Variants in ST3GAL4 observed in about 807,000 individuals in gnomAD.
The protein encoded by ST3GAL4 is CMP-N-acetylneuraminate-beta-galactosamide-alpha-2,3-sialyltransferase 4.
Under a neutral mutation model 42.6 loss-of-function variants are expected in ST3GAL4, and 24 were observed. That is an observed-to-expected ratio of 0.56 (90% CI 0.41 to 0.79). The LOEUF (loss-of-function observed/expected upper bound fraction) is 0.79. Ranked by LOEUF, ST3GAL4 falls within the 30% of genes least tolerant of loss-of-function variation. ST3GAL4 has a pLI of 0.00. For synonymous variants in ST3GAL4, 135 were observed against 163.2 expected, an observed-to-expected ratio of 0.83 and a Z score of 1.32; for missense variants, 311 against 430.8, an observed-to-expected ratio of 0.72 and a Z score of 2.46.
intron 1 of ST3GAL4, among the ~76,000 whole-genome samples, chr11:126,374,734 A>G (rs899732212): frequency 2.6e-5 from 4 of 152,150 alleles, no homozygotes; most frequent in Non-Finnish European, 5.9e-5. Context: ...GTAAGTGAGA[A>G]GAGTCCATGG....
chr11:126,400,618 A>G lies in ST3GAL4; in HGVS notation c.-60-5478A>G, dbSNP rs893488522. Among the ~76,000 whole-genome samples the G allele has an allele frequency of 2.0e-5, 3 of 152,198 alleles. No individual in the cohort carries two copies. Among genetic ancestry groups the G allele is most frequent in the African/African-American group, 7.2e-5 (3 of 41,460 alleles). ...TAAGGGACCTTGGCTTCATGTAAGG[A>G]GTGCGGAGTGAGTGAAGCAAGAGGG... On this transcript the variant is annotated intron_variant, in intron 1 of 10. Transcript: ENST00000444328. This position sits in a 1 kb window ranked among gnomAD's most constrained non-coding sequence, Gnocchi z 4.6.
At position 126,406,359 on chromosome 11, in the gene ST3GAL4, CT is replaced by C; in HGVS notation, c.17-113del. ...GCCAGGGCCAGGAGAGGGCCAGAGACTGCTTCTGTTGAGTTAGGGGTCGGAG... is the reference window on the plus strand; with the variant it reads ...GCCAGGGCCAGGAGAGGGCCAGAGACGCTTCTGTTGAGTTAGGGGTCGGAG... On this transcript the variant is annotated intron_variant, in intron 2 of 10. Coordinates refer to ENST00000444328, the MANE Select transcript of ST3GAL4 (RefSeq NM_001254757.2). The surrounding 1 kb of genome is among the most constrained non-coding windows in gnomAD (Gnocchi z 5.4). 6.4e-7 allele frequency: 1 copy of C among 1,570,678 alleles called. No individual in the cohort carries two copies. Among genetic ancestry groups the C allele is most frequent in the South Asian group, 1.2e-5 (1 of 86,080 alleles).
chr11:126,368,341 G>T (rs1343835159), intron 1 of ST3GAL4, among the ~76,000 whole-genome samples: 3 of 152,164 alleles, frequency 2.0e-5, no homozygotes, highest in African/African-American at 4.8e-5. Flanking sequence ...CTACTAAAAA[G>T]AAATCCCAGA....
chr11:126,409,185 G>A lies in ST3GAL4; in HGVS notation c.628-83G>A, dbSNP rs144734611. On this transcript the variant is annotated intron_variant, in intron 8 of 10. Transcript: ENST00000444328. This position sits in a 1 kb window ranked among gnomAD's most constrained non-coding sequence, Gnocchi z 4.9. ...CCTCTGCCATCGCTTGGACCCCCTC[G>A]CCTCGCTGAGGACCACTGGGTTGGA... 662 of 1,559,984 alleles carry A rather than the reference G, an allele frequency of 4.2e-4. 3 individuals are homozygous for A. In the African/African-American group the frequency reaches 4.9e-3, roughly 12 times the overall value.
intron 1 of ST3GAL4, among the ~76,000 whole-genome samples, chr11:126,367,025 G>A (rs993735580): frequency 3.9e-5 from 6 of 152,076 alleles, no homozygotes; most frequent in African/African-American, 1.4e-4. Context: ...TCTGGAAGTG[G>A]ACTCTGCTCA....
At position 126,361,617 on chromosome 11, in the gene ST3GAL4, G is replaced by A. The variant is rs145524389; in HGVS notation, c.-61+5775G>A. 5.9e-3 allele frequency among the ~76,000 whole-genome samples: 899 copies of A among 152,058 alleles called. 7 individuals are homozygous for A. The highest frequency in any genetic ancestry group is 0.02 in the African/African-American group (830 of 41,468). The stretch of plus-strand genomic sequence containing the variant: ...ACTTCCTCCCCCTTCCTCCCCCTGC[G>A]TTCTCCACTCCCTGCAGGTCCTATG... On this transcript the variant is annotated intron_variant, in intron 1 of 10. Coordinates refer to ENST00000444328, the MANE Select transcript of ST3GAL4 (RefSeq NM_001254757.2).
rs1239186575 is a variant in ST3GAL4 at position 126,388,679 on chromosome 11, T to TTTTTTTTTTTTTTTTTTC, written c.-60-17415_-60-17414insTTTTTTTTTTTTTTTCTT. Among the ~76,000 whole-genome samples, 473 of 122,676 alleles carry TTTTTTTTTTTTTTTTTTC rather than the reference T, an allele frequency of 3.9e-3. 14 individuals are homozygous for TTTTTTTTTTTTTTTTTTC. The highest frequency in any genetic ancestry group is 9.5e-3 in the African/African-American group (276 of 29,032). 80.5% of individuals were successfully genotyped at this position (122,676 alleles called of 152,430 possible). ...TTTCTTGTTTTTTTTTTTTTTTTTTTTTCTGATTTACGTGAGCACATCATA... is the reference window on the plus strand; with the variant it reads ...TTTCTTGTTTTTTTTTTTTTTTTTTTTTTTTTTTTTTTTTTTTCTTCTGATTTACGTGAGCACATCATA... On this transcript the variant is annotated intron_variant, in intron 1 of 10. Transcript: ENST00000444328.
At position 126,408,637 on chromosome 11, in the gene ST3GAL4, C is replaced by T. The variant is rs761683588; in HGVS notation, c.627+141C>T. On this transcript the variant is annotated intron_variant, in intron 8 of 10. Coordinates refer to ENST00000444328, the MANE Select transcript of ST3GAL4 (RefSeq NM_001254757.2). ...CATGAACCGGGCTCCCGGAAGTCAG[C>T]GCCTTAGGCTGCCCTCCAAGGGTGG... 119 of 994,618 alleles carry T rather than the reference C, an allele frequency of 1.2e-4. 1 individual carries two copies. The highest frequency in any genetic ancestry group is 1.6e-4 in the Non-Finnish European group (110 of 687,348). 61.6% of individuals were successfully genotyped at this position (994,618 alleles called of 1,614,324 possible).
At position 126,379,475 on chromosome 11, in the gene ST3GAL4, A is replaced by ATATTAT. The variant is rs765941313; in HGVS notation, c.-61+23647_-61+23652dup. Among the ~76,000 whole-genome samples, 6 of 151,642 alleles carry ATATTAT rather than the reference A, an allele frequency of 4.0e-5. No homozygotes were observed. Among genetic ancestry groups the ATATTAT allele is most frequent in the Admixed American group, 6.6e-5 (1 of 15,206 alleles). On this transcript the variant is annotated intron_variant, in intron 1 of 10. Coordinates refer to ENST00000444328, the MANE Select transcript of ST3GAL4 (RefSeq NM_001254757.2). This position sits in a 1 kb window ranked among gnomAD's most constrained non-coding sequence, Gnocchi z 4.2. ...CTTGGGTATCCTTAATTTTGTTTTT[A>ATATTAT]TATTATTATTATTATTATTGAGACG...
intron 1 of ST3GAL4, among the ~76,000 whole-genome samples, chr11:126,402,013 G>A (rs1954018197): frequency 6.7e-6 from 1 of 149,964 alleles, no homozygotes; most frequent in Middle Eastern, 3.5e-3. Flanking sequence ...GAGACACAGG[G>A]AAAAGAGGAG....
chr11:126,405,918 C>T (rs2135540491), intron 1 of ST3GAL4, 178 bp from the exon 2 acceptor site: 1 of 740,360 alleles, frequency 1.4e-6, no homozygotes, highest in Non-Finnish European at 2.2e-6. Flanking sequence ...TTAATGCCGC[C>T]CTTGGAGGAG....
rs1952321530 is a variant in ST3GAL4, at chr11:126,363,534, T to C, written c.-61+7692T>C. The stretch of plus-strand genomic sequence containing the variant: ...AGCATTTTCGAACAAAAATGGCTCT[T>C]CCAGGAGTTGAGTTTGGCGAAGAGA... On this transcript the variant is annotated intron_variant, in intron 1 of 10. Coordinates refer to ENST00000444328, the MANE Select transcript of ST3GAL4 (RefSeq NM_001254757.2). This position sits in a 1 kb window ranked among gnomAD's most constrained non-coding sequence, Gnocchi z 4.6. Among the ~76,000 whole-genome samples the C allele has an allele frequency of 6.6e-6, 1 of 152,172 alleles. No homozygotes were observed. Among genetic ancestry groups the C allele is most frequent in the Non-Finnish European group, 1.5e-5 (1 of 68,034 alleles).
rs1953153831 is a variant in ST3GAL4 at position 126,384,777 on chromosome 11, G to A, written c.-60-21319G>A. On this transcript the variant is annotated intron_variant, in intron 1 of 10. Transcript: ENST00000444328. This position sits in a 1 kb window ranked among gnomAD's most constrained non-coding sequence, Gnocchi z 5.5. Reference sequence around the variant, plus strand: ...GAATCTGAGTCGAGGGCAGGACAGAGTGGGAGTGGCAGTGCCTCTGCCTGT... The same window carrying A: ...GAATCTGAGTCGAGGGCAGGACAGAATGGGAGTGGCAGTGCCTCTGCCTGT... 2.0e-6 allele frequency: 2 copies of A among 985,444 alleles called. No individual in the cohort carries two copies. Among genetic ancestry groups the A allele is most frequent in the African/African-American group, 1.7e-5 (1 of 57,376 alleles). 61.0% of individuals were successfully genotyped at this position (985,444 alleles called of 1,614,324 possible).
In ST3GAL4 at chr11:126,363,637, C is replaced by T. The variant is rs1952325954; in HGVS notation, c.-61+7795C>T. Among the ~76,000 whole-genome samples the T allele has an allele frequency of 1.3e-5, 2 of 152,216 alleles. No homozygotes were observed. Among genetic ancestry groups the T allele is most frequent in the South Asian group, 4.1e-4 (2 of 4,836 alleles). ...CCTCATGCAACTCTTTGGACATCTT[C>T]CTGCAAAGGACGGTGGGATCTTGTC... On this transcript the variant is annotated intron_variant, in intron 1 of 10. Coordinates refer to ENST00000444328, the MANE Select transcript of ST3GAL4 (RefSeq NM_001254757.2). This position sits in a 1 kb window ranked among gnomAD's most constrained non-coding sequence, Gnocchi z 4.6.
rs7121123 is a variant in ST3GAL4 at position 126,373,814 on chromosome 11, A to G, written c.-61+17972A>G. Among the ~76,000 whole-genome samples, 27,316 of 151,758 alleles carry G rather than the reference A, an allele frequency of 0.18. 2,672 individuals carry two copies. Among genetic ancestry groups the G allele is most frequent in the East Asian group, 0.35 (1,800 of 5,092 alleles). Reference sequence around the variant, plus strand: ...CTCTGCCAACTCTAATGAGCCAGGAAGCCTCCCCGTGCCCAGGCGTGCTGT... The same window carrying G: ...CTCTGCCAACTCTAATGAGCCAGGAGGCCTCCCCGTGCCCAGGCGTGCTGT... On this transcript the variant is annotated intron_variant, in intron 1 of 10. Coordinates refer to ENST00000444328, the MANE Select transcript of ST3GAL4 (RefSeq NM_001254757.2). The surrounding 1 kb of genome is among the most constrained non-coding windows in gnomAD (Gnocchi z 5.5).
At chr11:126,394,008 C>G (rs1365575574) in intron 1 of ST3GAL4, among the ~76,000 whole-genome samples, 1 of 152,218 alleles carries the variant, frequency 6.6e-6, no homozygotes, top group Non-Finnish European at 1.5e-5. Context: ...TCAGTGTGGA[C>G]TGGCCCCATT....
chr11:126,384,978 C>G lies in ST3GAL4; in HGVS notation c.-60-21118C>G. The G allele has an allele frequency of 2.2e-6, 2 of 917,844 alleles. No homozygotes were observed. The highest frequency in any genetic ancestry group is 2.6e-6 in the Non-Finnish European group (2 of 768,202). 56.9% of individuals were successfully genotyped at this position (917,844 alleles called of 1,614,324 possible). Reference sequence around the variant, plus strand: ...GAGGACCAGGTGTCGCTGGCACCTTCCACGTCCTGAGTGCTTGTTCTGTGC... The same window carrying G: ...GAGGACCAGGTGTCGCTGGCACCTTGCACGTCCTGAGTGCTTGTTCTGTGC... On this transcript the variant is annotated intron_variant, in intron 1 of 10. Coordinates refer to ENST00000444328, the MANE Select transcript of ST3GAL4 (RefSeq NM_001254757.2). This position sits in a 1 kb window ranked among gnomAD's most constrained non-coding sequence, Gnocchi z 5.5.
intron 1 of ST3GAL4, among the ~76,000 whole-genome samples, chr11:126,388,207 T>A (rs964245714): frequency 6.6e-6 from 1 of 152,272 alleles, no homozygotes; most frequent in Non-Finnish European, 1.5e-5. Context: ...TTATGATGAA[T>A]GAAATATGCT....
At chr11:126,364,858 C>G (rs1374606618) in intron 1 of ST3GAL4, among the ~76,000 whole-genome samples, 1 of 151,576 alleles carries the variant, frequency 6.6e-6, no homozygotes, top group Admixed American at 6.6e-5. Flanking sequence ...ACCGCACTCC[C>G]CACTCTGTGA....
Sources: gnomAD v4.1 joint callset for allele counts (sites outside exome capture counted in the v4.1 genomes callset) on GRCh38, gnomAD v4.1.1 for gene constraint, Gnocchi (gnomAD v3.1) non-coding constraint, MANE v1.5 for transcripts, NCBI Gene and HGNC (gene_info 2026-07-23, HGNC 2026-07-21) for gene names.